MAGT1: variants seen among roughly 807,000 people sequenced by gnomAD.
MAGT1 encodes the protein magnesium transporter 1.
A neutral mutation model predicts 28.4 loss-of-function variants in MAGT1; 4 were observed. The ratio of observed to expected loss-of-function variants is 0.14; its 90% CI spans 0.07 to 0.32. The LOEUF is 0.32. Among genes scored for constraint, MAGT1 ranks in the 10% least tolerant of loss-of-function variants. The probability of loss-of-function intolerance (pLI) is 1.00; values close to 1 mark genes in which losing one functional copy is unlikely to be tolerated. For missense variants in MAGT1, 193 were observed against 264.5 expected (o/e 0.73, Z 1.88); for synonymous variants, 89 against 89.7 (o/e 0.99, Z 0.04).
intron 1 of MAGT1, among the ~76,000 whole-genome samples, chrX:77,880,882 C>A (rs1328088129): frequency 9.6e-6 from 1 of 104,240 alleles, no homozygotes; most frequent in Non-Finnish European, 1.9e-5. Flanking sequence ...CGCTTGAACC[C>A]AGGAGGCCGA....
Position 77,856,840 on chromosome X carries a change from G to A in MAGT1, c.565C>T (p.Pro189Ser), listed in dbSNP as rs781861140. ...GCCAAAAGCAATCCCAACATAAGGG[G>A]ACCAGCATAATTTGGGGGTCTAATC... The part of the protein sequence containing the change: ...RVIRPPNYAG[P>S]LMLGLLLAVI... Residue 189 changes from proline to serine, a missense_variant, in exon 5 of 10, where the codon CCC becomes TCC. Pro to Ser is a moderately conservative substitution (Grantham distance 74). Transcript: ENST00000618282. 1 of 1,207,692 alleles carries A rather than the reference G, an allele frequency of 8.3e-7. No individual in the cohort carries two copies.
intron 1 of MAGT1, among the ~76,000 whole-genome samples, chrX:77,875,994 C>A (rs2077032379): frequency 9.6e-6 from 1 of 104,333 alleles, no homozygotes; most frequent in Admixed American, 1.1e-4. Context: ...CCATGCTCAG[C>A]TGATTTTTGT....
chrX:77,872,286 G>A (rs1224152071), intron 2 of MAGT1, among the ~76,000 whole-genome samples: 3 of 110,878 alleles, frequency 2.7e-5, no homozygotes, highest in South Asian at 7.7e-4. Flanking sequence ...CAGGTGATCC[G>A]CCTGCCTCAG....
At chrX:77,859,359 CAT>C (rs1334431724) in intron 3 of MAGT1, among the ~76,000 whole-genome samples, 1 of 112,087 alleles carries the variant, frequency 8.9e-6, no homozygotes, top group Non-Finnish European at 1.9e-5. Context: ...TGAATTTATT[CAT>C]ATATATGTTT....
intron 3 of MAGT1, among the ~76,000 whole-genome samples, chrX:77,860,884 T>C (rs2076992956): frequency 9.0e-6 from 1 of 110,854 alleles, no homozygotes; most frequent in Non-Finnish European, 1.9e-5. Context: ...ATTTAAAAAA[T>C]GGGCAACACA....
rs35868006 is a variant in MAGT1 at position 77,839,510 on chromosome X, A to ATT, written c.901+1734_901+1735dup. ...AGGCATGCGCCACAACGCCTGGCTA[A>ATT]TTTTTTTTTTTTTTTGAGATGGAGT... On this transcript the variant is annotated intron_variant, in intron 8 of 9. Coordinates refer to ENST00000618282, the MANE Select transcript of MAGT1 (RefSeq NM_001367916.1). Among the ~76,000 whole-genome samples the ATT allele has an allele frequency of 1.1e-3, 85 of 80,354 alleles. 1 individual carries two copies. Among genetic ancestry groups the ATT allele is most frequent in the Middle Eastern group, 6.4e-3 (1 of 156 alleles). 69.8% of individuals were successfully genotyped at this position (80,354 alleles called of 115,157 possible).
chrX:77,855,561 T>C lies in MAGT1; in HGVS notation c.702A>G (p.Gln234=), dbSNP rs782487472. 2.1e-5 allele frequency: 25 copies of C among 1,205,062 alleles called. No individual in the cohort carries two copies. In the East Asian group the frequency reaches 6.2e-4, roughly 30 times the overall value. Reference sequence around the variant, plus strand: ...GTGGTCCTCTTATATGGTTCCACATTTGACCAGATGTCATAGCAAGCACAA... The same window carrying C: ...GTGGTCCTCTTATATGGTTCCACATCTGACCAGATGTCATAGCAAGCACAA... The part of the protein sequence containing the change: ...LCFVLAMTSG[Q]MWNHIRGPPY... The change falls in exon 6 of 10, where the codon CAA becomes CAG. Residue 234 remains glutamine, a synonymous_variant. Coordinates refer to ENST00000618282, the MANE Select transcript of MAGT1 (RefSeq NM_001367916.1).
intron 3 of MAGT1, among the ~76,000 whole-genome samples, chrX:77,859,047 A>C (rs1276332668): frequency 9.1e-6 from 1 of 110,279 alleles, no homozygotes; most frequent in Non-Finnish European, 1.9e-5. Flanking sequence ...GTCTCTACTA[A>C]AAATACAAAA....
At chrX:77,857,854 T>G (rs1299928257) in intron 3 of MAGT1, among the ~76,000 whole-genome samples, 3 of 111,801 alleles carry the variant, frequency 2.7e-5, no homozygotes, top group African/African-American at 9.7e-5. Context: ...CTGAGTAAGC[T>G]CCAAATAGAG....
At chrX:77,878,790 CAAAAAAAAAAAA>C (rs782079163) in intron 1 of MAGT1, among the ~76,000 whole-genome samples, 1 of 31,666 alleles carries the variant, frequency 3.2e-5, no homozygotes, top group Non-Finnish European at 5.9e-5. Flanking sequence ...AACTCTATCT[CAAAAAAAAAAAA>C]AAGAAAAAAA....
At chrX:77,878,289 CAAAA>C (rs1205547369) in intron 1 of MAGT1, among the ~76,000 whole-genome samples, 1 of 15,070 alleles carries the variant, frequency 6.6e-5, no homozygotes, top group Non-Finnish European at 1.1e-4. Flanking sequence ...AACTCTGATG[CAAAA>C]AAAAAAAAAA....
chrX:77,838,986 TTAA>T (rs1458971615), intron 8 of MAGT1, among the ~76,000 whole-genome samples: 1 of 110,141 alleles, frequency 9.1e-6, no homozygotes, highest in Non-Finnish European at 1.9e-5. Flanking sequence ...CAGATACATA[TTAA>T]TGAGATTAAT....
intron 1 of MAGT1, among the ~76,000 whole-genome samples, chrX:77,878,099 T>C (rs1244022049): frequency 9.8e-6 from 1 of 101,533 alleles, no homozygotes; most frequent in African/African-American, 3.7e-5. Context: ...CTGGCTAGCA[T>C]GTTGAAACCA....
At chrX:77,895,530 A>G (rs1014871999), upstream of MAGT1, 3 of 1,143,714 alleles carry the variant, frequency 2.6e-6, no homozygotes, top group Admixed American at 5.3e-5. Flanking sequence ...CCCTGCCGGG[A>G]GACCCCTCAC....
At chrX:77,840,063 A>G (rs1182525972) in intron 8 of MAGT1, among the ~76,000 whole-genome samples, 1 of 110,708 alleles carries the variant, frequency 9.0e-6, no homozygotes, top group African/African-American at 3.3e-5. Flanking sequence ...AGGACCACAC[A>G]GTTATTCTTC....
chrX:77,864,174 T>C (rs927500681), intron 3 of MAGT1, among the ~76,000 whole-genome samples: 8 of 103,776 alleles, frequency 7.7e-5, no homozygotes, highest in South Asian at 4.2e-4. Flanking sequence ...TTCTCATATG[T>C]GGGAGCTAAA....
chrX:77,848,997 C>A (rs913155224), intron 7 of MAGT1, among the ~76,000 whole-genome samples: 2 of 109,233 alleles, frequency 1.8e-5, no homozygotes, highest in Admixed American at 9.9e-5. Context: ...CTGGGCAACA[C>A]AAGATTTCAT....
chrX:77,855,802 G>A (rs919753024), intron 5 of MAGT1, among the ~76,000 whole-genome samples: 20 of 108,666 alleles, frequency 1.8e-4, no homozygotes, highest in Non-Finnish European at 3.6e-4. Context: ...ATGGAGTCTC[G>A]CTCTTTTGCC....
At chrX:77,865,921 C>T (rs62614874) in intron 3 of MAGT1, among the ~76,000 whole-genome samples, 23,656 of 71,474 alleles carry the variant, frequency 0.33, 6,900 homozygotes, top group Non-Finnish European at 0.55. Context: ...TTTGGGAGGC[C>T]AAGGCGGGCA....
Sources: gnomAD v4.1 joint callset for allele counts (sites outside exome capture counted in the v4.1 genomes callset) on GRCh38, gnomAD v4.1.1 for gene constraint, MANE v1.5 for transcripts, NCBI Gene and HGNC (gene_info 2026-07-23, HGNC 2026-07-21) for gene names.